Variants in ECD observed in about 807,000 individuals in gnomAD.
ECD encodes the protein ecdysoneless cell cycle regulator, also known as protein ecdysoneless homolog.
Under a neutral mutation model 77.2 loss-of-function variants are expected in ECD, and 59 were observed. The ratio of observed to expected loss-of-function variants is 0.76; its 90% CI spans 0.62 to 0.95. The LOEUF is 0.95. Among genes scored for constraint, ECD ranks in the 40% least tolerant of loss-of-function variants. The pLI is 0.00. For synonymous variants in ECD, 233 were observed against 267.4 expected, an observed-to-expected ratio of 0.87 and a Z score of 1.26; for missense variants, 704 against 763.4, an observed-to-expected ratio of 0.92 and a Z score of 0.92.
chr10:73,151,674 T>C (rs1843209568), intron 7 of ECD, among the ~76,000 whole-genome samples: 2 of 152,174 alleles, frequency 1.3e-5, no homozygotes, highest in Admixed American at 1.3e-4. Context: ...ATTTTTCATA[T>C]GTTTAAATTA....
intron 3 of ECD, among the ~76,000 whole-genome samples, chr10:73,160,162 T>TGTAATCCCA (rs1843356552): frequency 6.6e-6 from 1 of 151,456 alleles, no homozygotes; most frequent in Admixed American, 6.6e-5. Flanking sequence ...GGTGCACGCC[T>TGTAATCCCA]GTAATCCCAG....
chr10:73,149,240 G>A (rs1843169692), intron 7 of ECD, among the ~76,000 whole-genome samples: 1 of 152,092 alleles, frequency 6.6e-6, no homozygotes. Context: ...AATACATAAA[G>A]AATCATTTTC....
chr10:73,152,771 G>A (rs1193296498), intron 6 of ECD, among the ~76,000 whole-genome samples: 2 of 151,972 alleles, frequency 1.3e-5, no homozygotes, highest in African/African-American at 2.4e-5. Flanking sequence ...AATAAGCCAG[G>A]CATGGTGGCG....
chr10:73,147,177 C>A (rs190035158), intron 8 of ECD, among the ~76,000 whole-genome samples: 2 of 152,080 alleles, frequency 1.3e-5, no homozygotes, highest in Non-Finnish European at 2.9e-5. Flanking sequence ...CCTAGGAGAT[C>A]GAGGCTGCAG....
intron 1 of ECD, among the ~76,000 whole-genome samples, chr10:73,165,916 A>G (rs1250697586): frequency 6.6e-6 from 1 of 152,038 alleles, no homozygotes; most frequent in Non-Finnish European, 1.5e-5. Flanking sequence ...ACTAGTTTTC[A>G]TTCACTCTAT....
At chr10:73,156,951 GAAAA>G (rs1564666399) in intron 3 of ECD, among the ~76,000 whole-genome samples, 1 of 149,542 alleles carries the variant, frequency 6.7e-6, no homozygotes, top group African/African-American at 2.5e-5. Context: ...GGTTCCAAAA[GAAAA>G]AAAAGAAACA....
intron 3 of ECD, among the ~76,000 whole-genome samples, chr10:73,157,341 C>A (rs1301901216): frequency 6.6e-6 from 1 of 151,770 alleles, no homozygotes; most frequent in Non-Finnish European, 1.5e-5. Flanking sequence ...TGAGCCACCA[C>A]GCCCGGCCCG....
rs1842979076 is a variant in ECD at position 73,136,826 on chromosome 10, C to T, written c.1582G>A (p.Glu528Lys). ...TTCAGGGAAGCCTCTTCGCCAGGTT[C>T]GTGTGTTTCAAAGTCCAAGTCATCA... is the stretch of plus-strand genomic sequence containing the variant. Reference protein sequence around the residue: ...SDDDLDFETHEPGEEASLKGT... With the variant: ...SDDDLDFETHKPGEEASLKGT... The change falls in exon 13 of 14, where the codon GAA becomes AAA. Residue 528 changes from glutamate to lysine, a missense_variant. By Grantham distance (56) the Glu-to-Lys change is moderately conservative. This residue lies in a region of ECD where 142 missense variants were observed against 163.6 expected (regional missense o/e 0.87). Coordinates refer to ENST00000372979, the MANE Select transcript of ECD (RefSeq NM_007265.3). The T allele has an allele frequency of 5.0e-6, 8 of 1,614,040 alleles. No individual in the cohort carries two copies. The highest frequency in any genetic ancestry group is 3.3e-5 in the South Asian group (3 of 91,072).
Position 73,156,337 on chromosome 10 carries a change from T to TGCTGTGATTATATTCAATGC in ECD, c.508_527dup (p.Ser178Ter). On this transcript the variant is annotated stop_gained and frameshift_variant, in exon 5 of 14. Transcript: ENST00000372979. LOFTEE classifies it high-confidence loss of function. Reference sequence around the variant, plus strand: ...CTGAAGCAAGTATTTTTTCTGAATGTGCTGTGATTATATTCAATGCTTGTG... The same window carrying TGCTGTGATTATATTCAATGC: ...CTGAAGCAAGTATTTTTTCTGAATGTGCTGTGATTATATTCAATGCGCTGTGATTATATTCAATGCTTGTG... 2 of 1,613,238 alleles carry TGCTGTGATTATATTCAATGC rather than the reference T, an allele frequency of 1.2e-6. No individual in the cohort carries two copies. The highest frequency in any genetic ancestry group is 1.7e-6 in the Non-Finnish European group (2 of 1,179,788).
chr10:73,156,353 A>T lies in ECD; in HGVS notation c.512T>A (p.Leu171Ter), dbSNP rs750245964. The change falls in exon 5 of 14, where the codon TTG becomes TAG. Residue 171 changes from leucine (L) to a stop codon, truncating the protein, a stop_gained. Transcript: ENST00000372979. LOFTEE classifies it high-confidence loss of function. ...TTCTGAATGTGCTGTGATTATATTC[A>T]ATGCTTGTGGAATTGTTGGGGGTGT... ...PTTPPTIPQA[L>*]NIITAHSEKI... The T allele has an allele frequency of 6.2e-7, 1 of 1,613,962 alleles. No individual in the cohort carries two copies. The highest frequency in any genetic ancestry group is 8.5e-7 in the Non-Finnish European group (1 of 1,179,978).
intron 3 of ECD, among the ~76,000 whole-genome samples, chr10:73,159,958 T>A (rs1262384141): frequency 1.3e-5 from 2 of 151,188 alleles, no homozygotes; most frequent in Admixed American, 1.3e-4. Context: ...TAATTCTTTC[T>A]CAAGAAAAGG....
At chr10:73,144,029 G>C (rs1843093384) in intron 9 of ECD, among the ~76,000 whole-genome samples, 1 of 151,896 alleles carries the variant, frequency 6.6e-6, no homozygotes, top group Non-Finnish European at 1.5e-5. Context: ...TAGAGGCCAG[G>C]GATGCTGTTA....
chr10:73,149,264 G>C (rs939535710), intron 7 of ECD, among the ~76,000 whole-genome samples: 4 of 152,182 alleles, frequency 2.6e-5, no homozygotes, highest in Non-Finnish European at 4.4e-5. Flanking sequence ...AAGTGAAAAT[G>C]CTGACTAAAA....
chr10:73,157,973 TA>T, intron 3 of ECD, among the ~76,000 whole-genome samples: 1 of 151,860 alleles, frequency 6.6e-6, no homozygotes, highest in Non-Finnish European at 1.5e-5. Context: ...TATTTTATTT[TA>T]TTTTTGAGAC....
chr10:73,141,226 G>A (rs1336615799), intron 9 of ECD, among the ~76,000 whole-genome samples: 5 of 150,976 alleles, frequency 3.3e-5, no homozygotes, highest in African/African-American at 7.3e-5. Flanking sequence ...TCCGTTGGCC[G>A]GGTGCGGTGG....
At chr10:73,166,194 T>G (rs532787193) in intron 1 of ECD, among the ~76,000 whole-genome samples, 1 of 152,276 alleles carries the variant, frequency 6.6e-6, no homozygotes, top group South Asian at 2.1e-4. Flanking sequence ...CACTCCATTG[T>G]GTGTATGTGC....
intron 3 of ECD, among the ~76,000 whole-genome samples, chr10:73,160,009 G>A (rs931896993): frequency 2.0e-5 from 3 of 151,646 alleles, no homozygotes; most frequent in African/African-American, 7.3e-5. Context: ...ATATGGCTGG[G>A]CGCGGTGGCT....
intron 9 of ECD, among the ~76,000 whole-genome samples, chr10:73,143,824 A>T (rs1589682695): frequency 7.8e-5 from 10 of 127,522 alleles, no homozygotes; most frequent in South Asian, 2.6e-4. Context: ...GTACGTATTT[A>T]TAACTTGCTT....
intron 2 of ECD, 61 bp from the exon 3 acceptor site, chr10:73,160,612 A>C (rs1843363234): frequency 8.2e-7 from 1 of 1,223,986 alleles, no homozygotes; most frequent in Non-Finnish European, 1.2e-6. Context: ...AATAAAATGC[A>C]CATAATCATT....
Sources: allele counts gnomAD v4.1 joint callset (sites outside exome capture counted in the v4.1 genomes callset), GRCh38; gene constraint gnomAD v4.1.1; regional missense constraint gnomAD v4.1.1; transcripts MANE v1.5; gene names NCBI Gene and HGNC (gene_info 2026-07-23, HGNC 2026-07-21).